Variants in TMCC1 observed in about 807,000 individuals in gnomAD.
TMCC1 encodes the protein transmembrane and coiled-coil domains protein 1.
TMCC1 carries 15 observed loss-of-function variants against 52.4 expected under a neutral mutation model. That is an observed-to-expected ratio of 0.29 (90% confidence interval 0.19 to 0.44). The LOEUF (loss-of-function observed/expected upper bound fraction) is 0.44. Ranked by LOEUF, TMCC1 falls within the 20% of genes least tolerant of loss-of-function variation. The pLI is 1.00. For synonymous variants in TMCC1, 279 were observed against 301.9 expected, an observed-to-expected ratio of 0.92 and a Z score of 0.79; for missense variants, 503 against 806.0, an observed-to-expected ratio of 0.62 and a Z score of 4.55.
At chr3:129,778,674 T>TGGGG (rs11372839) in intron 4 of TMCC1, among the ~76,000 whole-genome samples, 79 of 138,792 alleles carry the variant, frequency 5.7e-4, no homozygotes, top group Middle Eastern at 7.2e-3. Context: ...TAGATCATGG[T>TGGGG]GGGGGGGGGG....
At chr3:129,739,861 G>A (rs9876717) in intron 4 of TMCC1, among the ~76,000 whole-genome samples, 150,171 of 152,332 alleles carry the variant, frequency 0.99, 74,057 homozygotes, top group East Asian at 1. Flanking sequence ...TGAGGAGTCT[G>A]ATTTCAGATT....
intron 4 of TMCC1, among the ~76,000 whole-genome samples, chr3:129,734,416 T>G (rs926301854): frequency 6.6e-6 from 1 of 152,176 alleles, no homozygotes; most frequent in African/African-American, 2.4e-5. Flanking sequence ...GTACATGCAA[T>G]ACAAGTACAT....
At chr3:129,844,814 GCTAC>G (rs2059584456) in intron 2 of TMCC1, among the ~76,000 whole-genome samples, 1 of 152,134 alleles carries the variant, frequency 6.6e-6, no homozygotes, top group Non-Finnish European at 1.5e-5. Flanking sequence ...CTTCTTTGAT[GCTAC>G]CTGTGACCCA....
At chr3:129,750,629 C>T (rs2052418802) in intron 4 of TMCC1, among the ~76,000 whole-genome samples, 2 of 131,220 alleles carry the variant, frequency 1.5e-5, no homozygotes, top group African/African-American at 3.0e-5. Flanking sequence ...GGTTGGAGTG[C>T]AGTGGTGCAA....
chr3:129,691,276 G>A (rs1305140868), intron 4 of TMCC1, among the ~76,000 whole-genome samples: 4 of 152,174 alleles, frequency 2.6e-5, no homozygotes, highest in African/African-American at 9.7e-5. Flanking sequence ...GGCTCTGCGT[G>A]GTGGCTCATA....
rs777407745 is a variant in TMCC1, at chr3:129,670,682, G to T, written c.1159C>A (p.Pro387Thr). The change falls in exon 5 of 7, where the codon CCC becomes ACC. Residue 387 changes from proline (P) to threonine (T), a missense_variant. Transcript: ENST00000393238. ...TCCTCTAAAGAGTCCTTCAGGTTGG[G>T]GATGTTGTCTGCACTGCCAAATTTG... The part of the protein sequence containing the change: ...RNKFGSADNI[P>T]NLKDSLEEGQ... 4 of 1,614,080 alleles carry T rather than the reference G, an allele frequency of 2.5e-6. No individual in the cohort carries two copies. Among genetic ancestry groups the T allele is most frequent in the African/African-American group, 2.7e-5 (2 of 74,916 alleles).
At chr3:129,806,653 C>T (rs940012746) in intron 4 of TMCC1, among the ~76,000 whole-genome samples, 1 of 152,030 alleles carries the variant, frequency 6.6e-6, no homozygotes, top group African/African-American at 2.4e-5. Flanking sequence ...AACTAAAACA[C>T]TTAGTGGAGA....
Position 129,670,323 on chromosome 3 carries a change from G to T in TMCC1, c.1511+7C>A. ...ATAATTTCAGATATTAATTCCATGTGACTTACCTATATCGCTCCTCCTGTA... is the reference window on the plus strand; with the variant it reads ...ATAATTTCAGATATTAATTCCATGTTACTTACCTATATCGCTCCTCCTGTA... On this transcript the variant is annotated splice_region_variant and intron_variant, in intron 5 of 6. Transcript: ENST00000393238. 6.2e-7 allele frequency: 1 copy of T among 1,609,310 alleles called. No homozygotes were observed.
intron 4 of TMCC1, among the ~76,000 whole-genome samples, chr3:129,770,017 G>A (rs1395778728): frequency 2.6e-5 from 4 of 152,064 alleles, no homozygotes; most frequent in Admixed American, 6.6e-5. Context: ...ATTTTGTCAC[G>A]TGTCACAAAT....
chr3:129,845,307 C>T (rs901268154), intron 2 of TMCC1, among the ~76,000 whole-genome samples: 1 of 151,788 alleles, frequency 6.6e-6, no homozygotes, highest in Non-Finnish European at 1.5e-5. Context: ...AATAAGCAAG[C>T]CAACTGAGCA....
intron 2 of TMCC1, among the ~76,000 whole-genome samples, chr3:129,834,970 C>T (rs1032260624): frequency 3.3e-5 from 5 of 152,198 alleles, no homozygotes; most frequent in East Asian, 1.9e-4. Context: ...TCCCTCTAGA[C>T]GGTTGTGAGA....
At chr3:129,782,836 A>G (rs896104373) in intron 4 of TMCC1, among the ~76,000 whole-genome samples, 1 of 152,176 alleles carries the variant, frequency 6.6e-6, no homozygotes, top group Non-Finnish European at 1.5e-5. Flanking sequence ...AAATATTTGG[A>G]AGCTAATAGA....
intron 4 of TMCC1, among the ~76,000 whole-genome samples, chr3:129,793,631 G>A (rs2056621580): frequency 6.6e-6 from 1 of 152,122 alleles, no homozygotes; most frequent in Non-Finnish European, 1.5e-5. Context: ...AAGGAGGGCT[G>A]GCTACAGGCA....
chr3:129,710,373 C>T (rs1475474184), intron 4 of TMCC1, among the ~76,000 whole-genome samples: 1 of 152,066 alleles, frequency 6.6e-6, no homozygotes, highest in Admixed American at 6.6e-5. Context: ...ATTATGTTGG[C>T]CAGGCTAGTC....
At chr3:129,768,690 G>A (rs1401172498) in intron 4 of TMCC1, among the ~76,000 whole-genome samples, 1 of 152,270 alleles carries the variant, frequency 6.6e-6, no homozygotes, top group East Asian at 1.9e-4. Context: ...ATATAACACT[G>A]CTATTTATTT....
intron 1 of TMCC1, among the ~76,000 whole-genome samples, chr3:129,888,440 T>C (rs2061821986): frequency 6.6e-6 from 1 of 152,200 alleles, no homozygotes; most frequent in Non-Finnish European, 1.5e-5. Flanking sequence ...CAGATCTTGG[T>C]TTGTAACACC....
chr3:129,713,032 C>T (rs898267768), intron 4 of TMCC1, among the ~76,000 whole-genome samples: 2 of 151,886 alleles, frequency 1.3e-5, no homozygotes, highest in African/African-American at 4.8e-5. Context: ...GGTGCCAAGG[C>T]GGGAGGATTG....
At position 129,893,637 on chromosome 3, in the gene TMCC1, GCCGCCGCCGCCTCAGTCACCGCCA is replaced by G. The variant is rs1309972235; in HGVS notation, c.-602_-579del. The G allele has an allele frequency of 2.7e-5, 4 of 146,674 alleles. No individual in the cohort carries two copies. Among genetic ancestry groups the G allele is most frequent in the Non-Finnish European group, 4.5e-5 (3 of 66,148 alleles). The allele number at this position is 146,674 out of a possible 1,614,324, so 9.1% of individuals were successfully genotyped here. On this transcript the variant is annotated 5_prime_UTR_variant, in exon 1 of 7. Transcript: ENST00000393238. ...CCGACCCTCCCCCCGCGCCGCCTCA[GCCGCCGCCGCCTCAGTCACCGCCA>G]CCGCCGCCGCCGCCTCAGCCCCGGC...
At chr3:129,877,347 G>C (rs1029771647) in intron 2 of TMCC1, among the ~76,000 whole-genome samples, 1 of 152,068 alleles carries the variant, frequency 6.6e-6, no homozygotes, top group Non-Finnish European at 1.5e-5. Context: ...TAGACTCCAG[G>C]ATACCCTCTA....
Sources: allele counts gnomAD v4.1 joint callset (sites outside exome capture counted in the v4.1 genomes callset), GRCh38; gene constraint gnomAD v4.1.1; transcripts MANE v1.5; gene names NCBI Gene and HGNC (gene_info 2026-07-23, HGNC 2026-07-21).